RNF180: variants seen among roughly 807,000 people sequenced by gnomAD.
RNF180 encodes the protein E3 ubiquitin-protein ligase RNF180.
Under a neutral mutation model 59.2 loss-of-function variants are expected in RNF180, and 38 were observed. The ratio of observed to expected loss-of-function variants is 0.64; its 90% confidence interval spans 0.50 to 0.84. The LOEUF (loss-of-function observed/expected upper bound fraction) is 0.84, where lower values mean the gene tolerates loss of function less well. RNF180 is among the 40% of genes least tolerant of loss of function. The pLI is 0.00. For missense variants in RNF180, 705 were observed against 700.9 expected (o/e 1.01, Z -0.07); for synonymous variants, 262 against 240.3 (o/e 1.09, Z -0.84).
At chr5:64,234,821 G>A (rs995046035) in intron 5 of RNF180, among the ~76,000 whole-genome samples, 2 of 151,606 alleles carry the variant, frequency 1.3e-5, no homozygotes, top group South Asian at 2.1e-4. Context: ...GGATGGTCTC[G>A]ATCTCCTGAC....
At chr5:64,274,090 A>G (rs759909181) in intron 5 of RNF180, among the ~76,000 whole-genome samples, 2 of 152,036 alleles carry the variant, frequency 1.3e-5, no homozygotes, top group Non-Finnish European at 2.9e-5. Context: ...AATTATTTAT[A>G]GCCCTATACC....
chr5:64,310,582 G>A (rs955145128), intron 5 of RNF180, among the ~76,000 whole-genome samples: 7 of 150,906 alleles, frequency 4.6e-5, no homozygotes, highest in Non-Finnish European at 8.9e-5. Context: ...AACATTAGCT[G>A]CTATAACTGA....
chr5:64,325,548 T>C, intron 6 of RNF180, 137 bp downstream of exon 6: 1 of 663,478 alleles, frequency 1.5e-6, no homozygotes, highest in East Asian at 2.7e-5. Context: ...AAACAGTACT[T>C]ACCCAACTCA....
At chr5:64,268,812 G>T (rs954790893) in intron 5 of RNF180, among the ~76,000 whole-genome samples, 2 of 152,112 alleles carry the variant, frequency 1.3e-5, no homozygotes, top group African/African-American at 4.8e-5. Context: ...CCTGACTTCA[G>T]TCCCTCTAAA....
Position 64,371,884 on chromosome 5 carries a change from C to G in RNF180, c.*2070C>G, listed in dbSNP as rs1234109668. ...AGATAAAATCTCAGATGGAAAGAAA[C>G]CAGTTTCTTCTGGTATGTAGCACAC... On this transcript the variant is annotated 3_prime_UTR_variant, in exon 8 of 8. Transcript: ENST00000389100. 1 of 151,470 alleles carries G rather than the reference C, an allele frequency of 6.6e-6. No individual in the cohort carries two copies. The highest frequency in any genetic ancestry group is 2.4e-5 in the African/African-American group (1 of 41,360). The allele number at this position is 151,470 out of a possible 1,614,324, so 9.4% of individuals were successfully genotyped here.
chr5:64,209,296 A>T (rs1398714923), intron 2 of RNF180, among the ~76,000 whole-genome samples: 4 of 152,074 alleles, frequency 2.6e-5, no homozygotes, highest in African/African-American at 7.2e-5. Flanking sequence ...AGGAGTATTC[A>T]TAAAGCATTT....
rs1463914513 is a variant in RNF180, at chr5:64,213,961, C to T, written c.635C>T (p.Pro212Leu). 6.2e-7 allele frequency: 1 copy of T among 1,613,904 alleles called. No homozygotes were observed. The highest frequency in any genetic ancestry group is 1.3e-5 in the African/African-American group (1 of 74,900). ...GAACCAAAATACCAGCTTTTTGTTC[C>T]CCAGCTTGTGACTGGCAGATGCGCT... The part of the protein sequence containing the change: ...ASEPKYQLFV[P>L]QLVTGRCATR... Residue 212 changes from proline (P) to leucine (L), a missense_variant, in exon 4 of 8, where the codon CCC (proline) becomes CTC (leucine). Transcript: ENST00000389100.
chr5:64,278,601 A>G (rs1155286), intron 5 of RNF180, among the ~76,000 whole-genome samples: 68,290 of 152,002 alleles, frequency 0.45, 16,744 homozygotes, highest in African/African-American at 0.65. Context: ...AGAAAGAGAT[A>G]ATAATGGAAG....
intron 5 of RNF180, among the ~76,000 whole-genome samples, chr5:64,317,563 C>CATAT (rs1554042828): frequency 2.7e-5 from 4 of 147,584 alleles, no homozygotes; most frequent in African/African-American, 1.0e-4. Context: ...CATATATACA[C>CATAT]ATACATATAT....
At chr5:64,228,720 T>C (rs1741923578) in intron 5 of RNF180, among the ~76,000 whole-genome samples, 1 of 152,112 alleles carries the variant, frequency 6.6e-6, no homozygotes, top group Non-Finnish European at 1.5e-5. Flanking sequence ...TTATACCCTT[T>C]TTATTCATTT....
intron 5 of RNF180, among the ~76,000 whole-genome samples, chr5:64,248,498 A>G (rs1346556420): frequency 6.6e-6 from 1 of 152,246 alleles, no homozygotes; most frequent in Non-Finnish European, 1.5e-5. Context: ...CAACAAATAT[A>G]TGAAAAAATG....
intron 2 of RNF180, among the ~76,000 whole-genome samples, chr5:64,208,590 A>G (rs1224684119): frequency 2.6e-5 from 4 of 152,082 alleles, no homozygotes; most frequent in Non-Finnish European, 2.9e-5. Flanking sequence ...TAAATATTAC[A>G]AATAAAAATG....
intron 5 of RNF180, among the ~76,000 whole-genome samples, chr5:64,298,556 T>G (rs987133125): frequency 2.6e-5 from 4 of 152,070 alleles, no homozygotes; most frequent in Admixed American, 6.6e-5. Context: ...ATATAATGCC[T>G]TATTCTGCAT....
intron 2 of RNF180, among the ~76,000 whole-genome samples, chr5:64,208,838 A>G (rs1752160208): frequency 6.9e-6 from 1 of 144,776 alleles, no homozygotes; most frequent in African/African-American, 2.9e-5. Flanking sequence ...AGAAAAAAAT[A>G]TATGCTGTTT....
intron 6 of RNF180, among the ~76,000 whole-genome samples, chr5:64,326,320 A>G (rs990031222): frequency 1.3e-5 from 2 of 152,160 alleles, no homozygotes; most frequent in Non-Finnish European, 2.9e-5. Context: ...ACTAAATGGA[A>G]TTATTAATAT....
At chr5:64,254,680 A>C (rs1349982962) in intron 5 of RNF180, among the ~76,000 whole-genome samples, 2 of 152,070 alleles carry the variant, frequency 1.3e-5, no homozygotes, top group African/African-American at 2.4e-5. Context: ...TTTTATTTGG[A>C]TATTGTGTAT....
Position 64,370,773 on chromosome 5 carries a change from G to A in RNF180, c.*959G>A, listed in dbSNP as rs1235921971. The A allele has an allele frequency of 6.6e-6, 1 of 151,110 alleles. No homozygotes were observed. The highest frequency in any genetic ancestry group is 1.5e-5 in the Non-Finnish European group (1 of 67,606). The allele number at this position is 151,110 out of a possible 1,614,324, so 9.4% of individuals were successfully genotyped here. A position where few individuals can be genotyped will look rare whatever the true frequency, so the allele number is the denominator to read the frequency against. On this transcript the variant is annotated 3_prime_UTR_variant, in exon 8 of 8. Transcript: ENST00000389100. ...CTGAATCATTAGAACATGGAATTGG[G>A]GCAGGTAACCCAATTCAAAAAAGGA...
chr5:64,317,618 A>ATT (rs1491220388), intron 5 of RNF180, among the ~76,000 whole-genome samples: 2 of 110,422 alleles, frequency 1.8e-5, no homozygotes, highest in Non-Finnish European at 3.3e-5. Context: ...ACACACACAC[A>ATT]TATATACACA....
chr5:64,342,537 A>T (rs1199438005), intron 7 of RNF180, among the ~76,000 whole-genome samples: 1 of 152,168 alleles, frequency 6.6e-6, no homozygotes, highest in Non-Finnish European at 1.5e-5. Flanking sequence ...AGACAGAATG[A>T]AATCTCTTGT....
Sources: allele counts gnomAD v4.1 joint callset (sites outside exome capture counted in the v4.1 genomes callset), GRCh38; gene constraint gnomAD v4.1.1; transcripts MANE v1.5; gene names NCBI Gene and HGNC (gene_info 2026-07-23, HGNC 2026-07-21).